The following ARPC1B variants were observed in gnomAD, a reference collection of about 807,000 sequenced individuals.
The protein encoded by ARPC1B is actin-related protein 2/3 complex subunit 1B.
Under a neutral mutation model 46.0 loss-of-function variants are expected in ARPC1B, and 29 were observed. The observed-to-expected ratio is 0.63, with a 90% CI of 0.47 to 0.86. ARPC1B has a LOEUF of 0.86. ARPC1B is among the 40% of genes least tolerant of loss of function. ARPC1B has a pLI of 0.00. For missense variants in ARPC1B, 469 were observed against 529.4 expected, an observed-to-expected ratio of 0.89 and a Z score of 1.12; for synonymous variants, 201 against 213.9, an observed-to-expected ratio of 0.94 and a Z score of 0.53.
intron 1 of ARPC1B, among the ~76,000 whole-genome samples, chr7:99,383,538 G>A (rs1345911539): frequency 6.6e-6 from 1 of 152,212 alleles, no homozygotes; most frequent in African/African-American, 2.4e-5. Context: ...CCAGATCAGT[G>A]AGTGCATGTC....
intron 8 of ARPC1B, 46 bp downstream of exon 8, chr7:99,392,922 C>T (rs1330517814): frequency 6.7e-7 from 1 of 1,494,960 alleles, no homozygotes; most frequent in East Asian, 2.5e-5. Context: ...CCTCGGCTCG[C>T]CCAGAAACAG....
chr7:99,394,220 A>G (rs1794688375), intron 9 of ARPC1B, 101 bp downstream of exon 9: 2 of 1,325,566 alleles, frequency 1.5e-6, no homozygotes, highest in Admixed American at 1.9e-5. Flanking sequence ...ACTCCTGCAG[A>G]GATGGCACTG....
At chr7:99,383,485 C>T (rs909487315) in intron 1 of ARPC1B, among the ~76,000 whole-genome samples, 1 of 152,218 alleles carries the variant, frequency 6.6e-6, no homozygotes, top group African/African-American at 2.4e-5. Flanking sequence ...AAATGTGTCT[C>T]TGCCAAGCTG....
chr7:99,385,669 G>C (rs751502255), intron 1 of ARPC1B, 33 bp from the exon 2 acceptor site: 1 of 1,580,920 alleles, frequency 6.3e-7, no homozygotes, highest in Non-Finnish European at 8.6e-7. Flanking sequence ...GGTTGGGGCT[G>C]ACGTGGATTC....
chr7:99,390,583 T>C (rs566811067), intron 5 of ARPC1B, among the ~76,000 whole-genome samples: 26 of 151,982 alleles, frequency 1.7e-4, no homozygotes, highest in African/African-American at 6.3e-4. Flanking sequence ...TTTCACCATG[T>C]TGGCCAGACT....
Position 99,385,736 on chromosome 7 carries a change from G to A in ARPC1B, c.22G>A (p.Val8Met), listed in dbSNP as rs1458039882. 1 of 1,611,156 alleles carries A rather than the reference G, an allele frequency of 6.2e-7. No homozygotes were observed. Among genetic ancestry groups the A allele is most frequent in the African/African-American group, 1.3e-5 (1 of 74,918 alleles). MAYHSFL[V>M]EPISCHAWNK... The stretch of plus-strand genomic sequence containing the variant: ...CGCCATGGCCTACCACAGCTTCCTG[G>A]TGGAGCCCATCAGCTGCCACGCCTG... Residue 8 changes from valine to methionine, a missense_variant, in exon 2 of 10, where the codon GTG (valine) becomes ATG (methionine). Coordinates refer to ENST00000646101, the MANE Select transcript of ARPC1B (RefSeq NM_005720.4).
Position 99,391,084 on chromosome 7 carries a change from C to A in ARPC1B, c.692C>A (p.Ala231Asp). The A allele has an allele frequency of 6.2e-7, 1 of 1,613,442 alleles. No homozygotes were observed. The highest frequency in any genetic ancestry group is 2.2e-5 in the East Asian group (1 of 44,848). Residue 231 changes from alanine to aspartate, a missense_variant, in exon 6 of 10, where the codon GCC becomes GAC. Ala to Asp is a moderately radical substitution (Grantham distance 126). Transcript: ENST00000646101. ...GACAGCACCGTCTGCCTGGCTGATG[C>A]CGACAAGAAGATGGCGTGAGTCGAG... is the stretch of plus-strand genomic sequence containing the variant. Reference protein sequence around the residue: ...SHDSTVCLADADKKMAVATLA... With the variant: ...SHDSTVCLADDDKKMAVATLA...
intron 1 of ARPC1B, among the ~76,000 whole-genome samples, chr7:99,382,842 CTTTTTTTTTTT>C (rs756346040): frequency 1.7e-5 from 2 of 119,246 alleles, no homozygotes; most frequent in Non-Finnish European, 3.3e-5. Flanking sequence ...CATTCCTAAC[CTTTTTTTTTTT>C]TTTTTTTTTG....
chr7:99,381,591 C>G (rs190273277), intron 1 of ARPC1B, among the ~76,000 whole-genome samples: 1 of 152,094 alleles, frequency 6.6e-6, no homozygotes, highest in Non-Finnish European at 1.5e-5. Flanking sequence ...GTCCCTGCCC[C>G]GTGCATGTAC....
chr7:99,392,841 C>G lies in ARPC1B; in HGVS notation c.954C>G (p.Gly318=). Residue 318 remains glycine (G), a synonymous_variant, in exon 8 of 10, where the codon GGC becomes GGG. Coordinates refer to ENST00000646101, the MANE Select transcript of ARPC1B (RefSeq NM_005720.4). Reference sequence around the variant, plus strand: ...GCTCCGAGGGTGGCACGGCTGCGGGCGCGGGCCTAGACTCGCTGCACAAGA... The same window carrying G: ...GCTCCGAGGGTGGCACGGCTGCGGGGGCGGGCCTAGACTCGCTGCACAAGA... ...KASSEGGTAA[G]AGLDSLHKNS... is the part of the protein sequence containing the mutation. The G allele has an allele frequency of 6.5e-7, 1 of 1,549,836 alleles. No homozygotes were observed. The highest frequency in any genetic ancestry group is 8.7e-7 in the Non-Finnish European group (1 of 1,146,678).
At chr7:99,393,600 C>T (rs1794654807) in intron 8 of ARPC1B, among the ~76,000 whole-genome samples, 1 of 152,040 alleles carries the variant, frequency 6.6e-6, no homozygotes, top group Non-Finnish European at 1.5e-5. Flanking sequence ...CACCCCGCGG[C>T]GAATCAGAGG....
At chr7:99,378,264 G>T (rs567384305) in intron 1 of ARPC1B, among the ~76,000 whole-genome samples, 43 of 151,434 alleles carry the variant, frequency 2.8e-4, no homozygotes, top group African/African-American at 1.0e-3. Context: ...TAGACACAGG[G>T]TTTTGCCATG....
rs1794371910 is a variant in ARPC1B at position 99,385,754 on chromosome 7, C to G, written c.40C>G (p.His14Asp). ...HSFLVEPISC[H>D]AWNKDRTQIA... ...CTTCCTGGTGGAGCCCATCAGCTGCCACGCCTGGAACAAGGACCGCACCCG... is the reference window on the plus strand; with the variant it reads ...CTTCCTGGTGGAGCCCATCAGCTGCGACGCCTGGAACAAGGACCGCACCCG... The change falls in exon 2 of 10, where the codon CAC becomes GAC. Residue 14 changes from histidine to aspartate, a missense_variant. Physicochemically the swap from His to Asp is moderately conservative, Grantham distance 81. Transcript: ENST00000646101. 3.1e-6 allele frequency: 5 copies of G among 1,611,148 alleles called. No individual in the cohort carries two copies. The East Asian group carries it at 8.9e-5, about 29-fold the overall frequency.
At chr7:99,391,536 C>A (rs974101361) in intron 7 of ARPC1B, among the ~76,000 whole-genome samples, 2 of 151,752 alleles carry the variant, frequency 1.3e-5, no homozygotes, top group African/African-American at 2.4e-5. Context: ...CTGGAGGCCA[C>A]GAGTTTGAGA....
At chr7:99,387,042 T>C (rs1456272577) in intron 3 of ARPC1B, among the ~76,000 whole-genome samples, 2 of 152,270 alleles carry the variant, frequency 1.3e-5, no homozygotes, top group Admixed American at 1.3e-4. Context: ...CTCTTGGCTT[T>C]GCCCTCCAGC....
chr7:99,391,263 A>T lies in ARPC1B; in HGVS notation c.783+10A>T. ...CAGCCTGGTGGCAGCGGTGAGGAAT[A>T]GGGAGGGGAGGGAGGGTGTGTGGTC... On this transcript the variant is annotated intron_variant, in intron 7 of 9. Coordinates refer to ENST00000646101, the MANE Select transcript of ARPC1B (RefSeq NM_005720.4). 6.2e-7 allele frequency: 1 copy of T among 1,605,020 alleles called. No individual in the cohort carries two copies. The highest frequency in any genetic ancestry group is 8.5e-7 in the Non-Finnish European group (1 of 1,173,050).
At chr7:99,389,725 A>G in intron 4 of ARPC1B, 180 bp from the exon 5 acceptor site, 2 of 628,182 alleles carry the variant, frequency 3.2e-6, no homozygotes, top group East Asian at 5.4e-5. Context: ...GAAGCGACAC[A>G]GCACATCCCT....
At position 99,392,875 on chromosome 7, in the gene ARPC1B, A is replaced by G. The variant is rs1404928994; in HGVS notation, c.988A>G (p.Ser330Gly). The stretch of plus-strand genomic sequence containing the variant: ...AGACTCGCTGCACAAGAACAGCGTC[A>G]GGTGAGAGCGGGAGCCGGGCCGGCG... ...GLDSLHKNSV[S>G]QISVLSGGKA... The change falls in exon 8 of 10, where the codon AGC (serine) becomes GGC (glycine). Residue 330 changes from serine (S) to glycine (G), a missense_variant and splice_region_variant. By Grantham distance (56) the Ser-to-Gly change is moderately conservative. Coordinates refer to ENST00000646101, the MANE Select transcript of ARPC1B (RefSeq NM_005720.4). 2 of 1,536,600 alleles carry G rather than the reference A, an allele frequency of 1.3e-6. No homozygotes were observed. Among genetic ancestry groups the G allele is most frequent in the East Asian group, 2.5e-5 (1 of 40,602 alleles).
rs1018429777 is a variant in ARPC1B, at chr7:99,392,702, A to G, written c.815A>G (p.Tyr272Cys). Residue 272 changes from tyrosine (Y) to cysteine (C), a missense_variant, in exon 8 of 10, where the codon TAT becomes TGT. Transcript: ENST00000646101. The part of the protein sequence containing the change: ...GHDCFPVLFT[Y>C]DAAAGMLSFG... ...GACTGCTTCCCGGTGCTGTTCACCTATGACGCCGCCGCGGGGATGCTGAGC... is the reference window on the plus strand; with the variant it reads ...GACTGCTTCCCGGTGCTGTTCACCTGTGACGCCGCCGCGGGGATGCTGAGC... 3.2e-6 allele frequency: 5 copies of G among 1,545,466 alleles called. No individual in the cohort carries two copies. The highest frequency in any genetic ancestry group is 2.5e-5 in the East Asian group (1 of 40,728).
Sources: allele counts gnomAD v4.1 joint callset (sites outside exome capture counted in the v4.1 genomes callset), GRCh38; gene constraint gnomAD v4.1.1; transcripts MANE v1.5; gene names NCBI Gene and HGNC (gene_info 2026-07-23, HGNC 2026-07-21).